The following CDH18 variants were observed in gnomAD, a reference collection of about 807,000 sequenced individuals.
CDH18 encodes cadherin-18.
CDH18 carries 31 observed loss-of-function variants against 67.9 expected under a neutral mutation model. The ratio of observed to expected loss-of-function variants is 0.46; its 90% confidence interval spans 0.34 to 0.62. The LOEUF (loss-of-function observed/expected upper bound fraction) is 0.62, where lower values mean the gene tolerates loss of function less well. Among genes scored for constraint, CDH18 ranks in the 20% least tolerant of loss-of-function variants. The probability of loss-of-function intolerance (pLI) is 0.01; values close to 1 mark genes in which losing one functional copy is unlikely to be tolerated. For synonymous variants in CDH18, 362 were observed against 347.2 expected, an observed-to-expected ratio of 1.04 and a Z score of -0.48; for missense variants, 890 against 975.5, an observed-to-expected ratio of 0.91 and a Z score of 1.17.
chr5:19,483,322 G>A lies in CDH18; in HGVS notation c.1861C>T (p.Leu621Phe). The A allele has an allele frequency of 8.7e-6, 14 of 1,613,786 alleles. No homozygotes were observed. The highest frequency in any genetic ancestry group is 1.2e-5 in the Non-Finnish European group (14 of 1,179,806). Residue 621 changes from leucine to phenylalanine, a missense_variant, in exon 12 of 13, where the codon CTC (leucine) becomes TTC (phenylalanine). Around this residue, in one of 2 missense-constraint regions of CDH18, gnomAD observed 656 missense variants for 668.1 expected, o/e 0.98. Transcript: ENST00000382275. ...LSTGALIAIL[L>F]CVLILLAIVV... Reference sequence around the variant, plus strand: ...TTACCCAGGAGAATGAGAACACAGAGAAGAATAGCGATTAAGGCTCCTGTA... The same window carrying A: ...TTACCCAGGAGAATGAGAACACAGAAAAGAATAGCGATTAAGGCTCCTGTA...
chr5:19,800,976 G>A (rs1270902876), intron 3 of CDH18, among the ~76,000 whole-genome samples: 8 of 151,926 alleles, frequency 5.3e-5, no homozygotes, highest in Non-Finnish European at 8.8e-5. Flanking sequence ...AAAATTAGCC[G>A]GTGTGGCAGC....
chr5:20,426,485 A>T (rs1317059441), intron 1 of CDH18, among the ~76,000 whole-genome samples: 1 of 151,118 alleles, frequency 6.6e-6, no homozygotes, highest in Non-Finnish European at 1.5e-5. Context: ...CTCAACAAAA[A>T]CTTTTTAAAA....
intron 2 of CDH18, among the ~76,000 whole-genome samples, chr5:20,106,767 C>G (rs1746976496): frequency 6.6e-6 from 1 of 152,128 alleles, no homozygotes; most frequent in African/African-American, 2.4e-5. Context: ...TATATGGGAA[C>G]TGTGAAAACA....
intron 2 of CDH18, among the ~76,000 whole-genome samples, chr5:20,112,361 A>T (rs1561800114): frequency 6.6e-6 from 1 of 152,132 alleles, no homozygotes; most frequent in African/African-American, 2.4e-5. Context: ...TAATGGCTGA[A>T]TTTTTTTCAG....
intron 1 of CDH18, among the ~76,000 whole-genome samples, chr5:20,509,697 G>A (rs1239417900): frequency 2.2e-5 from 1 of 45,238 alleles, no homozygotes; most frequent in African/African-American, 7.5e-5. Context: ...GGGATTACAG[G>A]CATGAGCCAT....
At chr5:20,519,548 G>A (rs148285212) in intron 1 of CDH18, among the ~76,000 whole-genome samples, 77 of 151,984 alleles carry the variant, frequency 5.1e-4, no homozygotes, top group Middle Eastern at 6.8e-3. Context: ...TGCAGTACAC[G>A]AATATGGCAC....
intron 1 of CDH18, among the ~76,000 whole-genome samples, chr5:20,573,554 A>G (rs1379529611): frequency 1.3e-5 from 2 of 151,828 alleles, no homozygotes; most frequent in South Asian, 2.1e-4. Flanking sequence ...GATTATTTGC[A>G]TAAATAAAAT....
At chr5:20,413,075 C>T (rs1310782378) in intron 1 of CDH18, among the ~76,000 whole-genome samples, 1 of 152,190 alleles carries the variant, frequency 6.6e-6, no homozygotes, top group Admixed American at 6.5e-5. Flanking sequence ...GGTTTTCTGT[C>T]CTTGGGATAG....
At position 19,473,034 on chromosome 5, in the gene CDH18, TTTTTTTTTTTTTTAC is replaced by T. The variant is rs1737797038; in HGVS notation, c.*177_*191del. ...ATAACTTTTTCTTTGTATTGTCTTT[TTTTTTTTTTTTTTAC>T]TTTCTTCCAATTAAATAACCCAGTT... On this transcript the variant is annotated 3_prime_UTR_variant, in exon 13 of 13. Transcript: ENST00000382275. 6 of 476,468 alleles carry T rather than the reference TTTTTTTTTTTTTTAC, an allele frequency of 1.3e-5. No individual in the cohort carries two copies. In the East Asian group the frequency reaches 2.2e-4, roughly 17 times the overall value. The allele number at this position is 476,468 out of a possible 1,614,324, so 29.5% of individuals were successfully genotyped here.
chr5:19,488,691 T>C (rs1740796062), intron 11 of CDH18, among the ~76,000 whole-genome samples: 1 of 152,196 alleles, frequency 6.6e-6, no homozygotes, highest in South Asian at 2.1e-4. Context: ...TAATAATGAT[T>C]TGAACTACAC....
At chr5:19,901,979 C>A (rs181443536) in intron 2 of CDH18, among the ~76,000 whole-genome samples, 1 of 151,886 alleles carries the variant, frequency 6.6e-6, no homozygotes, top group Admixed American at 6.6e-5. Flanking sequence ...GTTTACCATG[C>A]GTATCATTAC....
intron 8 of CDH18, among the ~76,000 whole-genome samples, chr5:19,562,548 G>A (rs1390425686): frequency 6.6e-6 from 1 of 151,970 alleles, no homozygotes; most frequent in Non-Finnish European, 1.5e-5. Flanking sequence ...CTCTGGATAG[G>A]CTGAGAAAAT....
chr5:19,871,998 T>G (rs891138894), intron 2 of CDH18, among the ~76,000 whole-genome samples: 1 of 152,202 alleles, frequency 6.6e-6, no homozygotes, highest in Non-Finnish European at 1.5e-5. Flanking sequence ...TTGTCTCCCA[T>G]TGGAAACTGG....
At chr5:20,551,070 C>T (rs548864708) in intron 1 of CDH18, among the ~76,000 whole-genome samples, 1 of 152,214 alleles carries the variant, frequency 6.6e-6, no homozygotes, top group South Asian at 2.1e-4. Flanking sequence ...GAAATTCAAA[C>T]TAATAGATGT....
intron 3 of CDH18, among the ~76,000 whole-genome samples, chr5:19,779,078 A>C (rs1054952014): frequency 1.3e-5 from 2 of 152,164 alleles, no homozygotes; most frequent in Non-Finnish European, 2.9e-5. Context: ...ATATGTGAGA[A>C]TACTTTAAAA....
chr5:19,527,990 C>T (rs1157206160), intron 9 of CDH18, among the ~76,000 whole-genome samples: 1 of 151,512 alleles, frequency 6.6e-6, no homozygotes, highest in African/African-American at 2.4e-5. Context: ...TTCCGTTAAC[C>T]AGAACTACAA....
Position 20,172,214 on chromosome 5 carries a change from A to ATATATACGTATATATATATATACG in CDH18, c.-518+83229_-518+83230insCGTATATATATATATACGTATATA, listed in dbSNP as rs1561848553. On this transcript the variant is annotated intron_variant, in intron 2 of 14. Coordinates refer to the CDH18 transcript ENST00000507958. ...TGTATATATATATATATATATATATATATATATATGTATATATATATATAT... is the reference window on the plus strand; with the variant it reads ...TGTATATATATATATATATATATATATATATACGTATATATATATATACGTATATATATGTATATATATATATAT... Among the ~76,000 whole-genome samples, 245 of 32,836 alleles carry ATATATACGTATATATATATATACG rather than the reference A, an allele frequency of 7.5e-3. 6 individuals are homozygous for ATATATACGTATATATATATATACG. The highest frequency in any genetic ancestry group is 0.017 in the African/African-American group (137 of 8,064). 21.5% of individuals were successfully genotyped at this position (32,836 alleles called of 152,430 possible).
At chr5:20,216,879 G>T (rs1274712653) in intron 2 of CDH18, among the ~76,000 whole-genome samples, 1 of 151,914 alleles carries the variant, frequency 6.6e-6, no homozygotes, top group Non-Finnish European at 1.5e-5. Context: ...AGCAGAAAGA[G>T]CAAGAGCAAG....
chr5:19,523,438 G>T (rs1747241473), intron 9 of CDH18, among the ~76,000 whole-genome samples: 1 of 151,956 alleles, frequency 6.6e-6, no homozygotes, highest in Non-Finnish European at 1.5e-5. Context: ...ACACGTAACT[G>T]ACAAAGGACT....
Sources: allele counts gnomAD v4.1 joint callset (sites outside exome capture counted in the v4.1 genomes callset), GRCh38; gene constraint gnomAD v4.1.1; regional missense constraint gnomAD v4.1.1; transcripts MANE v1.5; gene names NCBI Gene and HGNC (gene_info 2026-07-23, HGNC 2026-07-21).